The following ZMAT4 variants were observed in gnomAD, a reference collection of about 807,000 sequenced individuals.
The protein encoded by ZMAT4 is zinc finger matrin-type protein 4.
In ZMAT4, 17 loss-of-function variants were observed where a neutral mutation model predicts 28.7. The ratio of observed to expected loss-of-function variants is 0.59; its 90% CI spans 0.41 to 0.89. The LOEUF (loss-of-function observed/expected upper bound fraction) is 0.89, where lower values mean the gene tolerates loss of function less well. Among genes scored for constraint, ZMAT4 ranks in the 40% least tolerant of loss-of-function variants. ZMAT4 has a pLI of 0.00. For synonymous variants in ZMAT4, 117 were observed against 109.2 expected, an observed-to-expected ratio of 1.07 and a Z score of -0.44; for missense variants, 240 against 283.8, an observed-to-expected ratio of 0.85 and a Z score of 1.11.
intron 2 of ZMAT4, among the ~76,000 whole-genome samples, chr8:40,820,989 A>G (rs548390757): frequency 9.1e-4 from 90 of 99,196 alleles, no homozygotes; most frequent in African/African-American, 3.4e-3. Context: ...ATGTGTGTTT[A>G]TGTGTGTGTA....
intron 6 of ZMAT4, among the ~76,000 whole-genome samples, chr8:40,566,349 A>C (rs1000023186): frequency 6.6e-6 from 1 of 152,160 alleles, no homozygotes; most frequent in Non-Finnish European, 1.5e-5. Context: ...TAGAATGAAG[A>C]GCATTGCCCA....
intron 5 of ZMAT4, among the ~76,000 whole-genome samples, chr8:40,595,169 C>T (rs906307000): frequency 5.9e-5 from 9 of 152,178 alleles, no homozygotes; most frequent in African/African-American, 1.9e-4. Context: ...CTTTTCCTTT[C>T]TATCAACAAC....
chr8:40,708,159 G>A (rs1329935891), intron 3 of ZMAT4, among the ~76,000 whole-genome samples: 1 of 152,198 alleles, frequency 6.6e-6, no homozygotes, highest in African/African-American at 2.4e-5. Context: ...TCTGTGCAGG[G>A]AAATAGAGTG....
At chr8:40,680,709 C>CAG in intron 4 of ZMAT4, among the ~76,000 whole-genome samples, 1 of 150,452 alleles carries the variant, frequency 6.6e-6, no homozygotes. Flanking sequence ...TGTACACACA[C>CAG]ACACACACAC....
chr8:40,797,664 A>C (rs951145948), intron 2 of ZMAT4, among the ~76,000 whole-genome samples: 10 of 152,178 alleles, frequency 6.6e-5, no homozygotes, highest in Non-Finnish European at 1.5e-5. Context: ...GATATCTACC[A>C]CTTGACAGGT....
intron 3 of ZMAT4, among the ~76,000 whole-genome samples, chr8:40,732,374 C>T (rs1035677738): frequency 4.6e-5 from 7 of 152,266 alleles, no homozygotes; most frequent in African/African-American, 1.7e-4. Flanking sequence ...TCAGCCTAGG[C>T]ACACACTTGG....
intron 6 of ZMAT4, among the ~76,000 whole-genome samples, chr8:40,561,302 G>T (rs1204837270): frequency 6.6e-6 from 1 of 151,940 alleles, no homozygotes; most frequent in Non-Finnish European, 1.5e-5. Context: ...ATCCTGCTGT[G>T]TAGTGTTACT....
At chr8:40,772,717 T>C (rs898525386) in intron 2 of ZMAT4, among the ~76,000 whole-genome samples, 3 of 152,198 alleles carry the variant, frequency 2.0e-5, no homozygotes, top group Non-Finnish European at 2.9e-5. Flanking sequence ...TCTTCCACCA[T>C]CTTATTTCAT....
At chr8:40,556,137 G>A (rs1349304290) in intron 6 of ZMAT4, among the ~76,000 whole-genome samples, 1 of 151,850 alleles carries the variant, frequency 6.6e-6, no homozygotes, top group Non-Finnish European at 1.5e-5. Context: ...GTTTATCCTT[G>A]CTTGCCTCTC....
At chr8:40,733,344 C>T (rs1811625010) in intron 3 of ZMAT4, among the ~76,000 whole-genome samples, 1 of 152,068 alleles carries the variant, frequency 6.6e-6, no homozygotes, top group Non-Finnish European at 1.5e-5. Context: ...GCTTAAAATG[C>T]CTTGAAACTC....
intron 2 of ZMAT4, among the ~76,000 whole-genome samples, chr8:40,772,794 G>A (rs991481943): frequency 3.3e-5 from 5 of 152,194 alleles, no homozygotes; most frequent in African/African-American, 9.6e-5. Context: ...AATAAAACAG[G>A]AAAACCTGGA....
chr8:40,756,455 T>TATATATATATATATAC (rs1171649512), intron 3 of ZMAT4, among the ~76,000 whole-genome samples: 20 of 122,634 alleles, frequency 1.6e-4, no homozygotes, highest in South Asian at 8.5e-4. Flanking sequence ...TATATATATA[T>TATATATATATATATAC]ATACACACTT....
At chr8:40,896,554 G>A (rs1324308509) in intron 1 of ZMAT4, among the ~76,000 whole-genome samples, 1 of 152,170 alleles carries the variant, frequency 6.6e-6, no homozygotes, top group Non-Finnish European at 1.5e-5. Context: ...TTCCCCATGG[G>A]TCCCTGCTTC....
intron 5 of ZMAT4, among the ~76,000 whole-genome samples, chr8:40,651,277 C>T: frequency 6.6e-6 from 1 of 152,050 alleles, no homozygotes; most frequent in Non-Finnish European, 1.5e-5. Flanking sequence ...TTCTTATACA[C>T]CAACAACAGA....
intron 5 of ZMAT4, among the ~76,000 whole-genome samples, chr8:40,668,706 TG>T (rs1187707833): frequency 1.3e-5 from 2 of 151,990 alleles, no homozygotes; most frequent in African/African-American, 2.4e-5. Flanking sequence ...TCTATAAAGC[TG>T]CTACCCACCT....
chr8:40,579,255 T>C (rs10098129), intron 6 of ZMAT4, among the ~76,000 whole-genome samples: 16,663 of 152,188 alleles, frequency 0.11, 1,177 homozygotes, highest in Admixed American at 0.2. Flanking sequence ...TTTATCTTTT[T>C]CTATGTATTG....
At chr8:40,637,086 T>C (rs1458984925) in intron 5 of ZMAT4, among the ~76,000 whole-genome samples, 1 of 111,288 alleles carries the variant, frequency 9.0e-6, no homozygotes, top group Non-Finnish European at 2.0e-5. Flanking sequence ...AATAATGAAA[T>C]AGATTTTAAA....
chr8:40,697,066 T>G, intron 4 of ZMAT4, 179 bp downstream of exon 4: 1 of 587,140 alleles, frequency 1.7e-6, no homozygotes, highest in Admixed American at 3.2e-5. Flanking sequence ...GAAATGGTAT[T>G]TAGGGGTCTT....
chr8:40,707,537 C>T (rs1372783101), intron 3 of ZMAT4, among the ~76,000 whole-genome samples: 3 of 152,088 alleles, frequency 2.0e-5, no homozygotes, highest in Non-Finnish European at 2.9e-5. Context: ...TATGGAAACA[C>T]ACTTTGTAAT....
Sources: allele counts gnomAD v4.1 joint callset (sites outside exome capture counted in the v4.1 genomes callset), GRCh38; gene constraint gnomAD v4.1.1; transcripts MANE v1.5; gene names NCBI Gene and HGNC (gene_info 2026-07-23, HGNC 2026-07-21).